The following ZFHX3 variants were observed in gnomAD, a reference collection of about 807,000 sequenced individuals.
ZFHX3 encodes the protein zinc finger homeobox 3.
A neutral mutation model predicts 279.1 loss-of-function variants in ZFHX3; 42 were observed. The ratio of observed to expected loss-of-function variants is 0.15; its 90% CI spans 0.12 to 0.19. ZFHX3 has a LOEUF of 0.19. ZFHX3 is among the 10% of genes least tolerant of loss of function. ZFHX3 has a pLI of 1.00. For synonymous variants in ZFHX3, 2,293 were observed against 1,957.8 expected, an observed-to-expected ratio of 1.17 and a Z score of -4.52; for missense variants, 4,981 against 4,754.0, an observed-to-expected ratio of 1.05 and a Z score of -1.40.
chr16:73,144,790 T>C (rs1010287205), intron 5 of ZFHX3, among the ~76,000 whole-genome samples: 10 of 152,014 alleles, frequency 6.6e-5, no homozygotes, highest in African/African-American at 2.4e-4. Context: ...ATAATGCACA[T>C]CTCTTGGCTA....
chr16:73,559,787 G>A (rs142261723), intron 2 of ZFHX3, among the ~76,000 whole-genome samples: 1 of 152,138 alleles, frequency 6.6e-6, no homozygotes, highest in Admixed American at 6.5e-5. Flanking sequence ...TCCCTGGTAA[G>A]GGAGGTAGGG....
At chr16:72,871,609 G>C (rs1372352646) in intron 4 of ZFHX3, among the ~76,000 whole-genome samples, 6 of 151,856 alleles carry the variant, frequency 4.0e-5, no homozygotes, top group African/African-American at 1.5e-4. Context: ...CAAAGTGCTG[G>C]AATTACAGGT....
At chr16:73,874,664 A>C (rs2029895256) in intron 1 of ZFHX3, among the ~76,000 whole-genome samples, 2 of 152,214 alleles carry the variant, frequency 1.3e-5, no homozygotes, top group Admixed American at 1.3e-4. Context: ...AAACCTTTGT[A>C]TATTTGACTT....
intron 1 of ZFHX3, among the ~76,000 whole-genome samples, chr16:73,730,084 G>A (rs753957317): frequency 6.6e-6 from 1 of 152,128 alleles, no homozygotes; most frequent in Non-Finnish European, 1.5e-5. Context: ...TCCATGCACA[G>A]AAGGCTGACT....
chr16:73,303,116 A>G (rs1390827362), intron 4 of ZFHX3, among the ~76,000 whole-genome samples: 1 of 151,652 alleles, frequency 6.6e-6, no homozygotes, highest in Non-Finnish European at 1.5e-5. Context: ...GTCGCCTTAA[A>G]CTCCTGGGCT....
intron 2 of ZFHX3, among the ~76,000 whole-genome samples, chr16:73,501,452 C>T (rs2019237755): frequency 1.3e-5 from 2 of 152,232 alleles, no homozygotes; most frequent in African/African-American, 4.8e-5. Context: ...CATACAGGCT[C>T]TCCCTTATTC....
intron 1 of ZFHX3, among the ~76,000 whole-genome samples, chr16:73,800,209 A>G (rs886339168): frequency 1.3e-5 from 2 of 151,954 alleles, no homozygotes; most frequent in African/African-American, 2.4e-5. Context: ...GTTGGCCCAT[A>G]AATTACTATT....
intron 3 of ZFHX3, among the ~76,000 whole-genome samples, chr16:73,352,412 T>C (rs2143289985): frequency 6.6e-6 from 1 of 151,652 alleles, no homozygotes; most frequent in African/African-American, 2.4e-5. Flanking sequence ...TGGCATGAGG[T>C]TGTTATAAGG....
intron 8 of ZFHX3, chr16:73,092,755 A>G (rs1966102350): frequency 8.4e-6 from 3 of 358,544 alleles, no homozygotes; most frequent in Non-Finnish European, 1.6e-5. Flanking sequence ...GCTAAGTAAT[A>G]AACACTTTGT....
At chr16:72,850,204 C>A (rs563653227) in intron 4 of ZFHX3, among the ~76,000 whole-genome samples, 1 of 152,316 alleles carries the variant, frequency 6.6e-6, no homozygotes, top group East Asian at 1.9e-4. Flanking sequence ...CCCAGCCTCC[C>A]CAAGCCACAG....
intron 4 of ZFHX3, among the ~76,000 whole-genome samples, chr16:72,847,603 G>A (rs1474400211): frequency 1.3e-5 from 2 of 152,152 alleles, no homozygotes; most frequent in Non-Finnish European, 2.9e-5. Flanking sequence ...AGAGGGGATG[G>A]ATGGAGGCCA....
At chr16:73,591,953 C>T (rs1304702438) in intron 2 of ZFHX3, among the ~76,000 whole-genome samples, 1 of 151,840 alleles carries the variant, frequency 6.6e-6, no homozygotes, top group Non-Finnish European at 1.5e-5. Context: ...AGTTCTTGGC[C>T]AGGTATGGTG....
At chr16:73,536,012 G>A (rs766731787) in intron 2 of ZFHX3, among the ~76,000 whole-genome samples, 13 of 152,128 alleles carry the variant, frequency 8.5e-5, no homozygotes, top group African/African-American at 1.9e-4. Flanking sequence ...GTGAGCCACC[G>A]CTCTCGGCCA....
chr16:72,965,482 AAAG>A (rs1231715201), intron 1 of ZFHX3, among the ~76,000 whole-genome samples: 4 of 152,344 alleles, frequency 2.6e-5, no homozygotes, highest in Non-Finnish European at 2.9e-5. Context: ...CCTGATTTTT[AAAG>A]AAGGACAAAA....
At chr16:73,590,105 G>A (rs1224588244) in intron 2 of ZFHX3, among the ~76,000 whole-genome samples, 1 of 152,124 alleles carries the variant, frequency 6.6e-6, no homozygotes, top group Non-Finnish European at 1.5e-5. Flanking sequence ...GGGAATTTTG[G>A]GCATGGGAAA....
intron 2 of ZFHX3, among the ~76,000 whole-genome samples, chr16:73,546,359 T>C (rs1049369164): frequency 2.0e-5 from 3 of 152,082 alleles, no homozygotes; most frequent in East Asian, 1.9e-4. Context: ...TAGGACCGGG[T>C]ATGAGAAATC....
intron 6 of ZFHX3, among the ~76,000 whole-genome samples, chr16:73,135,304 C>T (rs761536945): frequency 1.3e-5 from 2 of 152,166 alleles, no homozygotes; most frequent in Non-Finnish European, 2.9e-5. Context: ...AGTTCATTCA[C>T]CAGCTCAATA....
At chr16:73,075,028 G>A (rs957632149) in intron 8 of ZFHX3, among the ~76,000 whole-genome samples, 5 of 151,998 alleles carry the variant, frequency 3.3e-5, no homozygotes, top group African/African-American at 1.2e-4. Context: ...GGCTGGTTTT[G>A]AACTCCTGAG....
intron 1 of ZFHX3, among the ~76,000 whole-genome samples, chr16:73,018,700 T>C (rs775969404): frequency 6.6e-6 from 1 of 152,232 alleles, no homozygotes; most frequent in Non-Finnish European, 1.5e-5. Flanking sequence ...TGTGTTATCA[T>C]ACTCTCTTCA....
Sources: gnomAD v4.1 joint callset for allele counts (sites outside exome capture counted in the v4.1 genomes callset) on GRCh38, gnomAD v4.1.1 for gene constraint, MANE v1.5 for transcripts, NCBI Gene and HGNC (gene_info 2026-07-23, HGNC 2026-07-21) for gene names.